Variants in DPF3 observed in about 807,000 individuals in gnomAD.
The protein encoded by DPF3 is double PHD fingers 3.
DPF3 carries 18 observed loss-of-function variants against 56.8 expected under a neutral mutation model. That is an observed-to-expected ratio of 0.32 (90% CI 0.22 to 0.47). The LOEUF (loss-of-function observed/expected upper bound fraction) is 0.47. Among genes scored for constraint, DPF3 ranks in the 20% least tolerant of loss-of-function variants. DPF3 has a pLI of 1.00. For synonymous variants in DPF3, 188 were observed against 180.2 expected (o/e 1.04, Z -0.35); for missense variants, 403 against 488.8 (o/e 0.82, Z 1.65).
intron 1 of DPF3, chr14:72,892,627 T>C: frequency 1.7e-6 from 2 of 1,162,290 alleles, no homozygotes; most frequent in Non-Finnish European, 2.1e-6. Flanking sequence ...ACTCCAGGAG[T>C]GGCCAGGGGT....
At chr14:72,662,565 A>C (rs1165319895) in intron 8 of DPF3, 1 of 985,112 alleles carries the variant, frequency 1.0e-6, no homozygotes, top group Non-Finnish European at 1.2e-6. Context: ...AAATATAATG[A>C]AGATTTAAAA....
intron 5 of DPF3, among the ~76,000 whole-genome samples, chr14:72,718,886 T>G (rs970632943): frequency 6.7e-6 from 1 of 148,210 alleles, no homozygotes; most frequent in Non-Finnish European, 1.5e-5. Flanking sequence ...ATTCTCCGCC[T>G]CAGCCCCCTG....
chr14:72,661,622 C>T (rs976150432), intron 8 of DPF3: 93 of 985,364 alleles, frequency 9.4e-5, no homozygotes, highest in Non-Finnish European at 1.0e-4. Context: ...CGCCCACTTC[C>T]GCCAGCTCAG....
chr14:72,661,497 G>A, intron 8 of DPF3: 1 of 985,642 alleles, frequency 1.0e-6, no homozygotes, highest in Non-Finnish European at 1.2e-6. Context: ...GCATGGCTGT[G>A]TGAAAGCCCA....
intron 1 of DPF3, among the ~76,000 whole-genome samples, chr14:72,812,440 T>C (rs61986319): frequency 0.047 from 7,057 of 150,034 alleles, 233 homozygotes; most frequent in Non-Finnish European, 0.077. Context: ...GGAGGCAGGG[T>C]TGGTATTTTG....
At chr14:72,798,305 A>G (rs1466164318) in intron 1 of DPF3, among the ~76,000 whole-genome samples, 1 of 148,728 alleles carries the variant, frequency 6.7e-6, no homozygotes, top group Non-Finnish European at 1.5e-5. Flanking sequence ...CTCTATAAGC[A>G]GAACTTTACT....
At chr14:72,751,536 C>T (rs76570552) in intron 3 of DPF3, among the ~76,000 whole-genome samples, 3,062 of 152,280 alleles carry the variant, frequency 0.02, 105 homozygotes, top group African/African-American at 0.069. Context: ...AGGTCTAGAA[C>T]CACACTGATC....
intron 7 of DPF3, among the ~76,000 whole-genome samples, chr14:72,676,997 C>T (rs936243031): frequency 6.6e-6 from 1 of 152,084 alleles, no homozygotes; most frequent in Non-Finnish European, 1.5e-5. Context: ...AGAATTCAGC[C>T]TTCGTAAAAA....
At chr14:72,810,391 T>C (rs8015833) in intron 1 of DPF3, among the ~76,000 whole-genome samples, 72,241 of 152,024 alleles carry the variant, frequency 0.48, 18,059 homozygotes, top group Non-Finnish European at 0.55. Context: ...GGGCGGAGAA[T>C]GTGAATCACA....
Position 72,893,923 on chromosome 14 carries a change from A to G in DPF3, c.32+134T>C, listed in dbSNP as rs376165623. On this transcript the variant is annotated intron_variant, in intron 1 of 10. Transcript: ENST00000556509. ...AAAGAAGATGAAGAAGTAAGAGCTG[A>G]AAGAAGAGAGAAGCCCCGCCGCGGC... is the stretch of plus-strand genomic sequence containing the variant. 3 of 968,062 alleles carry G rather than the reference A, an allele frequency of 3.1e-6. No homozygotes were observed. The Admixed American group carries it at 7.0e-5, about 22-fold the overall frequency. 60.0% of individuals were successfully genotyped at this position (968,062 alleles called of 1,614,324 possible). A position where few individuals can be genotyped will look rare whatever the true frequency, so the allele number is the denominator to read the frequency against.
At chr14:72,874,844 G>A (rs910669426) in intron 1 of DPF3, among the ~76,000 whole-genome samples, 1 of 152,074 alleles carries the variant, frequency 6.6e-6, no homozygotes, top group Non-Finnish European at 1.5e-5. Flanking sequence ...CCACATTTTC[G>A]GGTATCTTTT....
rs144443218 is a variant in DPF3 at position 72,815,134 on chromosome 14, TAAG to T, written c.33-43244_33-43242del. Among the ~76,000 whole-genome samples the T allele has an allele frequency of 2.8e-3, 430 of 151,826 alleles. 1 individual carries two copies. Among genetic ancestry groups the T allele is most frequent in the African/African-American group, 7.6e-3 (313 of 41,420 alleles). ...TATATAAAGAACTCCTAAAACTCAA[TAAG>T]AAGACAAATGACTCCATTTCTTTTA... On this transcript the variant is annotated intron_variant, in intron 1 of 10. Coordinates refer to ENST00000556509, the MANE Select transcript of DPF3 (RefSeq NM_001280542.3).
chr14:72,741,523 G>C (rs1241553431), intron 3 of DPF3, among the ~76,000 whole-genome samples: 1 of 152,192 alleles, frequency 6.6e-6, no homozygotes, highest in Non-Finnish European at 1.5e-5. Flanking sequence ...GGCCAGGCTG[G>C]GAACCACAAG....
At chr14:72,878,783 T>C (rs1418648472) in intron 1 of DPF3, among the ~76,000 whole-genome samples, 3 of 152,210 alleles carry the variant, frequency 2.0e-5, no homozygotes, top group Non-Finnish European at 4.4e-5. Context: ...CCAAGCTTTT[T>C]AAAGTGACCA....
chr14:72,663,166 C>CAAAAAAAAAAAA (rs56335418), intron 8 of DPF3, among the ~76,000 whole-genome samples: 1,511 of 87,938 alleles, frequency 0.017, 51 homozygotes, highest in East Asian at 0.067. Context: ...TGGGTGTTAG[C>CAAAAAAAAAAAA]AAAAAAAAAA....
intron 8 of DPF3, among the ~76,000 whole-genome samples, chr14:72,656,164 ATTG>A (rs2153568896): frequency 6.6e-6 from 1 of 152,318 alleles, no homozygotes; most frequent in South Asian, 2.1e-4. Context: ...TAAAGGGCTT[ATTG>A]TTCATCCTGT....
chr14:72,838,905 A>ATATATATATATATTTTTT, intron 1 of DPF3, among the ~76,000 whole-genome samples: 1 of 64,480 alleles, frequency 1.6e-5, no homozygotes. Context: ...TATCATATAT[A>ATATATATATATATTTTTT]TTCTTTTTTT....
At chr14:72,869,967 A>T (rs1048259878) in intron 1 of DPF3, among the ~76,000 whole-genome samples, 3 of 152,098 alleles carry the variant, frequency 2.0e-5, no homozygotes, top group African/African-American at 7.2e-5. Context: ...CTGCTTGGTT[A>T]TCAGACCCAT....
intron 2 of DPF3, among the ~76,000 whole-genome samples, chr14:72,767,840 C>A (rs538613937): frequency 6.9e-6 from 1 of 144,090 alleles, no homozygotes; most frequent in East Asian, 2.1e-4. Flanking sequence ...CCCAAAAAAT[C>A]TATGGCAAAA....
Sources: allele counts gnomAD v4.1 joint callset (sites outside exome capture counted in the v4.1 genomes callset), GRCh38; gene constraint gnomAD v4.1.1; transcripts MANE v1.5; gene names NCBI Gene and HGNC (gene_info 2026-07-23, HGNC 2026-07-21).